TANC1: variants seen among roughly 807,000 people sequenced by gnomAD.
TANC1 encodes the protein tetratricopeptide repeat, ankyrin repeat and coiled-coil containing 1.
TANC1 carries 77 observed loss-of-function variants against 149.7 expected under a neutral mutation model. The observed-to-expected ratio is 0.51, with a 90% CI of 0.43 to 0.62. The LOEUF (loss-of-function observed/expected upper bound fraction) is 0.62. Ranked by LOEUF, TANC1 falls within the 20% of genes least tolerant of loss-of-function variation. The pLI is 0.00. For missense variants in TANC1, 1,985 were observed against 2,321.8 expected (o/e 0.85, Z 2.98); for synonymous variants, 854 against 925.0 (o/e 0.92, Z 1.39).
intron 1 of TANC1, among the ~76,000 whole-genome samples, chr2:158,969,257 G>A (rs1236803800): frequency 6.6e-6 from 1 of 152,210 alleles, no homozygotes; most frequent in Non-Finnish European, 1.5e-5. Context: ...GGCACCGCGG[G>A]GTCCTGGGCG....
At chr2:159,026,729 G>A (rs1166602744) in intron 2 of TANC1, among the ~76,000 whole-genome samples, 2 of 151,924 alleles carry the variant, frequency 1.3e-5, no homozygotes, top group Non-Finnish European at 2.9e-5. Context: ...GCTGCACTTG[G>A]GGTCGCTTGA....
chr2:158,977,080 G>T (rs946324541), intron 1 of TANC1, among the ~76,000 whole-genome samples: 1 of 151,976 alleles, frequency 6.6e-6, no homozygotes, highest in Non-Finnish European at 1.5e-5. Flanking sequence ...TAATATGTTA[G>T]TATATATGTT....
At chr2:159,038,922 A>G (rs908027030) in intron 2 of TANC1, among the ~76,000 whole-genome samples, 1 of 152,202 alleles carries the variant, frequency 6.6e-6, no homozygotes, top group Non-Finnish European at 1.5e-5. Flanking sequence ...TTCAGAAGGA[A>G]TGGTACCAGC....
chr2:158,990,153 G>A (rs1283536902), intron 1 of TANC1, among the ~76,000 whole-genome samples: 1 of 151,886 alleles, frequency 6.6e-6, no homozygotes, highest in African/African-American at 2.4e-5. Context: ...CTGACCTCGT[G>A]ATCTGCCCGC....
At chr2:159,171,725 C>T (rs377237060) in intron 10 of TANC1, among the ~76,000 whole-genome samples, 7 of 151,694 alleles carry the variant, frequency 4.6e-5, no homozygotes, top group South Asian at 2.1e-4. Context: ...GGTGTGGTGG[C>T]GGGTGCCTGT....
At chr2:159,224,553 G>T (rs2150968552) in intron 23 of TANC1, 189 bp downstream of exon 23, 1 of 669,130 alleles carries the variant, frequency 1.5e-6, no homozygotes, top group Non-Finnish European at 2.5e-6. Context: ...TTTCTGCGGG[G>T]AGGGTGTGGA....
chr2:159,077,629 A>AT (rs1010026799), intron 3 of TANC1, among the ~76,000 whole-genome samples: 26 of 152,108 alleles, frequency 1.7e-4, no homozygotes, highest in Non-Finnish European at 1.2e-4. Flanking sequence ...CATTTTATAC[A>AT]TTTTTTTCAT....
At chr2:159,062,712 A>C (rs1001187817) in intron 2 of TANC1, among the ~76,000 whole-genome samples, 2 of 152,050 alleles carry the variant, frequency 1.3e-5, no homozygotes, top group Non-Finnish European at 2.9e-5. Flanking sequence ...TCACGCCTGT[A>C]ATCCCAGCAC....
At chr2:159,217,441 G>A in intron 19 of TANC1, 56 bp from the exon 20 acceptor site, 1 of 1,605,734 alleles carries the variant, frequency 6.2e-7, no homozygotes, top group Non-Finnish European at 8.5e-7. Flanking sequence ...AGAATTTCTG[G>A]CTATCTGTGC....
chr2:159,194,504 G>A lies in TANC1; in HGVS notation c.2979+11G>A. 6.2e-7 allele frequency: 1 copy of A among 1,610,570 alleles called. No individual in the cohort carries two copies. The highest frequency in any genetic ancestry group is 1.1e-5 in the South Asian group (1 of 91,006). On this transcript the variant is annotated intron_variant, in intron 17 of 26. Coordinates refer to ENST00000263635, the MANE Select transcript of TANC1 (RefSeq NM_033394.3). ...AAGAAGGGAGTGAGAGTAAGCGGCAGCCTGCTCTTTTGGGGCTGGGGCAGG... is the reference window on the plus strand; with the variant it reads ...AAGAAGGGAGTGAGAGTAAGCGGCAACCTGCTCTTTTGGGGCTGGGGCAGG...
At chr2:159,036,515 C>T (rs2149502844) in intron 2 of TANC1, among the ~76,000 whole-genome samples, 1 of 152,216 alleles carries the variant, frequency 6.6e-6, no homozygotes, top group South Asian at 2.1e-4. Context: ...CCCCATCCTC[C>T]CACCCCATGA....
intron 1 of TANC1, among the ~76,000 whole-genome samples, 182 bp from the exon 2 acceptor site, chr2:159,000,898 C>A (rs1259087004): frequency 6.6e-6 from 1 of 152,124 alleles, no homozygotes; most frequent in Non-Finnish European, 1.5e-5. Context: ...TGGACACTGC[C>A]CTAAGTGCTT....
intron 4 of TANC1, among the ~76,000 whole-genome samples, chr2:159,115,551 A>C (rs942835844): frequency 2.0e-5 from 3 of 152,198 alleles, no homozygotes; most frequent in Non-Finnish European, 4.4e-5. Context: ...TTTTAATCTC[A>C]TGGCACATAT....
chr2:159,139,937 AAG>A (rs1158167730), intron 5 of TANC1, among the ~76,000 whole-genome samples: 8 of 152,146 alleles, frequency 5.3e-5, no homozygotes, highest in Non-Finnish European at 1.0e-4. Context: ...ATAAAGCATA[AAG>A]GGGCTGGGTG....
chr2:159,033,746 G>A (rs903432423), intron 2 of TANC1, among the ~76,000 whole-genome samples: 10 of 152,128 alleles, frequency 6.6e-5, no homozygotes, highest in African/African-American at 1.4e-4. Flanking sequence ...TTCACCCCAG[G>A]TTCTTTCTTA....
intron 5 of TANC1, among the ~76,000 whole-genome samples, chr2:159,138,393 T>C (rs1172268171): frequency 6.6e-6 from 1 of 152,226 alleles, no homozygotes; most frequent in Non-Finnish European, 1.5e-5. Context: ...GGTGGCTGCC[T>C]AACAAAGTCG....
chr2:159,157,488 G>A (rs2053561333), intron 7 of TANC1, among the ~76,000 whole-genome samples: 2 of 152,178 alleles, frequency 1.3e-5, no homozygotes, highest in South Asian at 2.1e-4. Context: ...TGAGGTGTGG[G>A]TGCACAAGAG....
chr2:159,006,480 T>C (rs555462228), intron 2 of TANC1, among the ~76,000 whole-genome samples: 1 of 152,224 alleles, frequency 6.6e-6, no homozygotes, highest in Non-Finnish European at 1.5e-5. Flanking sequence ...TTTTTCACTT[T>C]ACAATCCTTT....
At chr2:159,206,893 ACC>A in intron 19 of TANC1, among the ~76,000 whole-genome samples, 1 of 152,262 alleles carries the variant, frequency 6.6e-6, no homozygotes, top group Non-Finnish European at 1.5e-5. Flanking sequence ...TTGGTGTGTA[ACC>A]CAGCCTTCCA....
Sources: allele counts gnomAD v4.1 joint callset (sites outside exome capture counted in the v4.1 genomes callset), GRCh38; gene constraint gnomAD v4.1.1; transcripts MANE v1.5; gene names NCBI Gene and HGNC (gene_info 2026-07-23, HGNC 2026-07-21).